The following NR6A1 variants were observed in gnomAD, a reference collection of about 807,000 sequenced individuals.
The protein encoded by NR6A1 is nuclear receptor subfamily 6 group A member 1.
A neutral mutation model predicts 59.1 loss-of-function variants in NR6A1; 7 were observed. That is an observed-to-expected ratio of 0.12 (90% CI 0.07 to 0.22). NR6A1 has a LOEUF of 0.22. Ranked by LOEUF, NR6A1 falls within the 10% of genes least tolerant of loss-of-function variation. NR6A1 has a pLI of 1.00. For synonymous variants in NR6A1, 243 were observed against 236.1 expected (o/e 1.03, Z -0.27); for missense variants, 468 against 611.6 (o/e 0.77, Z 2.48).
chr9:124,688,140 AG>A (rs1838403702), intron 2 of NR6A1, among the ~76,000 whole-genome samples: 1 of 152,100 alleles, frequency 6.6e-6, no homozygotes, highest in Non-Finnish European at 1.5e-5. Context: ...TGGGGAACAT[AG>A]TGAGACCCTG....
At chr9:124,595,683 C>A in intron 2 of NR6A1, 1 of 756,362 alleles carries the variant, frequency 1.3e-6, no homozygotes, top group Non-Finnish European at 2.0e-6. Flanking sequence ...TCCCTCAAGG[C>A]TATTTGCTCT....
At chr9:124,592,321 A>C (rs1202980268) in intron 2 of NR6A1, among the ~76,000 whole-genome samples, 1 of 152,234 alleles carries the variant, frequency 6.6e-6, no homozygotes, top group Non-Finnish European at 1.5e-5. Context: ...CCATTTTAAC[A>C]CAACGGAAAT....
intron 2 of NR6A1, among the ~76,000 whole-genome samples, chr9:124,620,048 C>T (rs564448482): frequency 4.0e-5 from 6 of 151,828 alleles, no homozygotes; most frequent in African/African-American, 9.7e-5. Context: ...GCAACAAGAG[C>T]GAAACTTCAT....
At chr9:124,685,275 C>T (rs887660013) in intron 2 of NR6A1, among the ~76,000 whole-genome samples, 1 of 152,180 alleles carries the variant, frequency 6.6e-6, no homozygotes, top group Non-Finnish European at 1.5e-5. Context: ...TGGGATGATG[C>T]CTAGGAATCT....
chr9:124,762,520 A>C (rs2131199163), intron 1 of NR6A1, among the ~76,000 whole-genome samples: 1 of 152,302 alleles, frequency 6.6e-6, no homozygotes, highest in East Asian at 1.9e-4. Context: ...TATAATCGGA[A>C]AAGGAAGAAG....
At position 124,696,112 on chromosome 9, in the gene NR6A1, G is replaced by A. The variant is rs557192518; in HGVS notation, c.142+37196C>T. ...CTGTATTAGGGAGTCATAAGGAATG[G>A]CACTGAAAAGGTAAAAGGACATATT... On this transcript the variant is annotated intron_variant, in intron 2 of 9. Transcript: ENST00000487099. 1.1e-3 allele frequency among the ~76,000 whole-genome samples: 174 copies of A among 152,292 alleles called. 1 individual carries two copies. The highest frequency in any genetic ancestry group is 3.8e-3 in the African/African-American group (158 of 41,554).
chr9:124,637,904 A>AG (rs1836659560), intron 2 of NR6A1, among the ~76,000 whole-genome samples: 1 of 148,114 alleles, frequency 6.8e-6, no homozygotes, highest in South Asian at 2.1e-4. Flanking sequence ...AAAAAAAAAA[A>AG]AAAAAAAAGA....
chr9:124,565,594 G>C (rs918170708), intron 2 of NR6A1, among the ~76,000 whole-genome samples: 3 of 152,080 alleles, frequency 2.0e-5, no homozygotes, highest in Non-Finnish European at 4.4e-5. Context: ...CCTACAAAGA[G>C]CTCATATTCC....
chr9:124,636,227 G>T (rs1029600624), intron 2 of NR6A1, among the ~76,000 whole-genome samples: 1 of 151,878 alleles, frequency 6.6e-6, no homozygotes, highest in Admixed American at 6.6e-5. Flanking sequence ...GAGTTTTAAA[G>T]GTTCTTTAGA....
intron 1 of NR6A1, among the ~76,000 whole-genome samples, chr9:124,738,312 A>AC (rs1564261172): frequency 6.6e-6 from 1 of 151,854 alleles, no homozygotes; most frequent in Non-Finnish European, 1.5e-5. Flanking sequence ...AAACAAACAT[A>AC]CCCCCAAACC....
At chr9:124,664,358 T>C (rs768735769) in intron 2 of NR6A1, among the ~76,000 whole-genome samples, 1 of 152,228 alleles carries the variant, frequency 6.6e-6, no homozygotes, top group Non-Finnish European at 1.5e-5. Flanking sequence ...CTAGATATGA[T>C]GTCATATCTT....
chr9:124,549,762 C>T (rs1034922321), intron 3 of NR6A1, among the ~76,000 whole-genome samples: 1 of 152,094 alleles, frequency 6.6e-6, no homozygotes, highest in Non-Finnish European at 1.5e-5. Flanking sequence ...TTCCCATACA[C>T]CCTCCTCCTT....
chr9:124,765,527 A>T (rs1840908533), intron 1 of NR6A1, among the ~76,000 whole-genome samples: 1 of 152,248 alleles, frequency 6.6e-6, no homozygotes, highest in African/African-American at 2.4e-5. Flanking sequence ...GTTTCAAAGT[A>T]GGCTATTTTC....
intron 2 of NR6A1, among the ~76,000 whole-genome samples, chr9:124,646,806 C>T (rs1190278473): frequency 6.6e-6 from 1 of 152,212 alleles, no homozygotes; most frequent in Non-Finnish European, 1.5e-5. Context: ...AAGGCACAAT[C>T]TGCCAAAACA....
chr9:124,696,636 C>T (rs888627712), intron 2 of NR6A1, among the ~76,000 whole-genome samples: 2 of 150,800 alleles, frequency 1.3e-5, no homozygotes, highest in Non-Finnish European at 2.9e-5. Context: ...GATCCTCTCA[C>T]CTCAGCCTCC....
chr9:124,641,913 C>T (rs182630575), intron 2 of NR6A1, among the ~76,000 whole-genome samples: 40 of 152,338 alleles, frequency 2.6e-4, no homozygotes, highest in Middle Eastern at 3.4e-3. Context: ...TAGGAGCTCA[C>T]TGTAATAGTA....
chr9:124,691,334 C>T (rs2131020352), intron 2 of NR6A1, among the ~76,000 whole-genome samples: 1 of 152,240 alleles, frequency 6.6e-6, no homozygotes, highest in Non-Finnish European at 1.5e-5. Flanking sequence ...TAACGTGTAC[C>T]ATTTGGCTGC....
At chr9:124,770,045 C>A (rs1157800666) in intron 1 of NR6A1, 2 of 152,250 alleles carry the variant, frequency 1.3e-5, no homozygotes, top group East Asian at 1.9e-4. Context: ...CCGGCCCGGG[C>A]GAGGGGGCGA....
At chr9:124,541,929 A>G (rs1228412802) in intron 4 of NR6A1, among the ~76,000 whole-genome samples, 2 of 152,248 alleles carry the variant, frequency 1.3e-5, no homozygotes, top group Non-Finnish European at 2.9e-5. Context: ...AGAAGCACAA[A>G]TACTGCATGA....
Sources: allele counts gnomAD v4.1 joint callset (sites outside exome capture counted in the v4.1 genomes callset), GRCh38; gene constraint gnomAD v4.1.1; transcripts MANE v1.5; gene names NCBI Gene and HGNC (gene_info 2026-07-23, HGNC 2026-07-21).